The following ANO1 variants were observed in gnomAD, a reference collection of about 807,000 sequenced individuals.
ANO1 encodes anoctamin-1.
In ANO1, 59 loss-of-function variants were observed where a neutral mutation model predicts 124.0. That is an observed-to-expected ratio of 0.48 (90% CI 0.39 to 0.59). The LOEUF (loss-of-function observed/expected upper bound fraction) is 0.59. ANO1 is among the 20% of genes least tolerant of loss of function. The probability of loss-of-function intolerance (pLI) is 0.00; values close to 1 mark genes in which losing one functional copy is unlikely to be tolerated. For synonymous variants in ANO1, 529 were observed against 532.0 expected, an observed-to-expected ratio of 0.99 and a Z score of 0.08; for missense variants, 1,059 against 1,328.0, an observed-to-expected ratio of 0.80 and a Z score of 3.15.
upstream of ANO1, among the ~76,000 whole-genome samples, chr11:69,983,236 C>A (rs1182494304): frequency 6.6e-6 from 1 of 152,038 alleles, no homozygotes; most frequent in African/African-American, 2.4e-5. Context: ...CCAAGCCAGG[C>A]CCAAGGCCTC....
intron 1 of ANO1, among the ~76,000 whole-genome samples, chr11:69,992,334 T>C (rs535467138): frequency 1.3e-5 from 2 of 152,308 alleles, no homozygotes; most frequent in East Asian, 3.9e-4. Context: ...TGTTGACAAC[T>C]CATTTTGTTC....
intron 12 of ANO1, 174 bp downstream of exon 12, chr11:70,149,966 C>T (rs967818137): frequency 1.5e-5 from 11 of 714,158 alleles, no homozygotes; most frequent in African/African-American, 1.0e-4. Context: ...AACACCCTGG[C>T]GTTCCGAACA....
intron 6 of ANO1, among the ~76,000 whole-genome samples, chr11:70,109,429 G>A (rs1299618688): frequency 6.6e-6 from 1 of 152,156 alleles, no homozygotes. Context: ...TACCCTTGCA[G>A]GCCTGAAGTC....
At chr11:70,133,694 T>TC (rs2046848303) in intron 11 of ANO1, among the ~76,000 whole-genome samples, 1 of 152,190 alleles carries the variant, frequency 6.6e-6, no homozygotes, top group Non-Finnish European at 1.5e-5. Flanking sequence ...ATAAGAGAAT[T>TC]CCCCATGAAG....
chr11:70,143,285 C>T (rs1339566182), intron 11 of ANO1, among the ~76,000 whole-genome samples: 2 of 152,210 alleles, frequency 1.3e-5, no homozygotes, highest in African/African-American at 4.8e-5. Flanking sequence ...TCAGATGAAG[C>T]ACCTGAGATT....
At chr11:70,153,031 C>T in intron 13 of ANO1, 26 bp from the exon 14 acceptor site, 1 of 1,586,510 alleles carries the variant, frequency 6.3e-7, no homozygotes, top group Non-Finnish European at 8.6e-7. Context: ...AACAAGGACT[C>T]TGTCTTGACT....
chr11:70,129,387 C>T (rs576728484), intron 10 of ANO1: 5 of 152,226 alleles, frequency 3.3e-5, no homozygotes, highest in African/African-American at 7.2e-5. Context: ...ATTCTGCAGC[C>T]GGGAAAACTA....
At chr11:70,145,405 C>A (rs909084600) in intron 11 of ANO1, among the ~76,000 whole-genome samples, 3 of 152,212 alleles carry the variant, frequency 2.0e-5, no homozygotes, top group Non-Finnish European at 4.4e-5. Context: ...GCTGCCAATG[C>A]TTCTGGCTTT....
intron 1 of ANO1, among the ~76,000 whole-genome samples, chr11:69,999,027 G>A (rs1311195566): frequency 1.3e-5 from 1 of 77,244 alleles, no homozygotes; most frequent in Non-Finnish European, 2.9e-5. Flanking sequence ...GAGTGAGACT[G>A]TCTCAAAAAA....
intron 2 of ANO1, among the ~76,000 whole-genome samples, chr11:70,095,308 GA>G (rs1565193407): frequency 3.0e-4 from 31 of 102,292 alleles, no homozygotes; most frequent in African/African-American, 9.2e-4. Flanking sequence ...AGGAAAGAAA[GA>G]AAGAAAGAAA....
chr11:70,124,247 G>A lies in ANO1; in HGVS notation c.898-103G>A. 6.6e-6 allele frequency: 7 copies of A among 1,055,152 alleles called. 1 individual carries two copies. Among genetic ancestry groups the A allele is most frequent in the South Asian group, 1.4e-5 (1 of 73,956 alleles). The allele number at this position is 1,055,152 out of a possible 1,614,324, so 65.4% of individuals were successfully genotyped here. The stretch of plus-strand genomic sequence containing the variant: ...CACTCTCAAGAAGTGTTTATGGGAT[G>A]AATGAATGATGTCACGGAGGCTCAG... On this transcript the variant is annotated intron_variant, in intron 8 of 25. Coordinates refer to ENST00000355303, the MANE Select transcript of ANO1 (RefSeq NM_018043.7).
intron 1 of ANO1, among the ~76,000 whole-genome samples, chr11:70,037,488 G>A (rs1485026863): frequency 6.6e-6 from 1 of 152,028 alleles, no homozygotes; most frequent in Non-Finnish European, 1.5e-5. Context: ...CCATCGCGGG[G>A]CAGAGGGAGG....
intron 1 of ANO1, among the ~76,000 whole-genome samples, chr11:70,070,402 G>A (rs1334856953): frequency 6.6e-6 from 1 of 152,166 alleles, no homozygotes; most frequent in Non-Finnish European, 1.5e-5. Flanking sequence ...ATGAGTGAAT[G>A]AGGCTGGGCA....
chr11:70,161,455 T>G, intron 17 of ANO1, 93 bp downstream of exon 17: 2 of 1,478,454 alleles, frequency 1.4e-6, no homozygotes, highest in African/African-American at 1.4e-5. Flanking sequence ...TTGCTTAACT[T>G]CTCTGGGCCC....
At chr11:69,978,020 G>A in the ANO1 span, among the ~76,000 whole-genome samples, 1 of 152,176 alleles carries the variant, frequency 6.6e-6, no homozygotes, top group Non-Finnish European at 1.5e-5. Context: ...GAGCAGAGGC[G>A]GGGCCGGTGT....
chr11:70,125,841 C>T, intron 9 of ANO1, among the ~76,000 whole-genome samples: 1 of 101,184 alleles, frequency 9.9e-6, no homozygotes, highest in South Asian at 3.3e-4. Context: ...GAGACTCCAT[C>T]TCAAAAAAAA....
chr11:70,031,306 A>G (rs1856997175), intron 1 of ANO1, among the ~76,000 whole-genome samples: 1 of 152,190 alleles, frequency 6.6e-6, no homozygotes, highest in South Asian at 2.1e-4. Flanking sequence ...TAATTAGCAT[A>G]TCTATCACCT....
rs79848139 is a variant in ANO1 at position 70,093,245 on chromosome 11, C to G, written c.441+5161C>G. Among the ~76,000 whole-genome samples the G allele has an allele frequency of 9.1e-3, 1,339 of 147,740 alleles. 13 individuals are homozygous for G. The highest frequency in any genetic ancestry group is 0.032 in the African/African-American group (1,248 of 39,574). On this transcript the variant is annotated intron_variant, in intron 2 of 25. Transcript: ENST00000355303. ...TCTTCCCACCTCCCTCTTTTTCACTCTACCCCCTCTCACTTTCTCTCTCTC... is the reference window on the plus strand; with the variant it reads ...TCTTCCCACCTCCCTCTTTTTCACTGTACCCCCTCTCACTTTCTCTCTCTC...
chr11:70,109,646 G>A (rs909906776), intron 6 of ANO1, among the ~76,000 whole-genome samples: 3 of 152,236 alleles, frequency 2.0e-5, no homozygotes, highest in Non-Finnish European at 2.9e-5. Flanking sequence ...GGTAACTAGA[G>A]GTAAGGAGGA....
Sources: allele counts gnomAD v4.1 joint callset (sites outside exome capture counted in the v4.1 genomes callset), GRCh38; gene constraint gnomAD v4.1.1; transcripts MANE v1.5; gene names NCBI Gene and HGNC (gene_info 2026-07-23, HGNC 2026-07-21).